The following SHPRH variants were observed in gnomAD, a reference collection of about 807,000 sequenced individuals.
The protein encoded by SHPRH is E3 ubiquitin-protein ligase SHPRH.
Under a neutral mutation model 202.5 loss-of-function variants are expected in SHPRH, and 106 were observed. The observed-to-expected ratio is 0.52, with a 90% CI of 0.45 to 0.62. The LOEUF is 0.62. Ranked by LOEUF, SHPRH falls within the 20% of genes least tolerant of loss-of-function variation. SHPRH has a pLI of 0.00. For missense variants in SHPRH, 1,710 were observed against 2,020.0 expected (o/e 0.85, Z 2.94); for synonymous variants, 729 against 686.0 (o/e 1.06, Z -0.98).
At chr6:145,882,104 A>G (rs117705403), downstream of SHPRH, among the ~76,000 whole-genome samples, 627 of 152,198 alleles carry the variant, frequency 4.1e-3, 18 homozygotes, top group East Asian at 0.07. Flanking sequence ...AAAAAAAAAA[A>G]AGGTGGTTTA....
At chr6:145,898,020 TAGGCAAGAAAAAGAAATAAA>T (rs1180402117) in intron 25 of SHPRH, among the ~76,000 whole-genome samples, 2 of 151,804 alleles carry the variant, frequency 1.3e-5, no homozygotes, top group Non-Finnish European at 2.9e-5. Context: ...CTAGAGCAAT[TAGGCAAGAAAAAGAAATAAA>T]AGGCATTCAA....
chr6:145,904,190 T>C (rs560631886), intron 25 of SHPRH: 5 of 152,158 alleles, frequency 3.3e-5, no homozygotes, highest in Admixed American at 3.3e-4. Flanking sequence ...TTCTGTACGA[T>C]ATATGGTTTG....
At position 145,902,258 on chromosome 6, in the gene SHPRH, G is replaced by A. The variant is rs545749286; in HGVS notation, c.4516-7281C>T. The stretch of plus-strand genomic sequence containing the variant: ...TAAAGAATATTTCTAATGAAGTTTG[G>A]CCTGGAAGTCACTTAGTAACACAAC... On this transcript the variant is annotated intron_variant, in intron 25 of 29. Coordinates refer to ENST00000275233, the MANE Select transcript of SHPRH (RefSeq NM_001042683.3). 3.9e-5 allele frequency among the ~76,000 whole-genome samples: 6 copies of A among 152,156 alleles called. No individual in the cohort carries two copies. In the South Asian group the frequency reaches 6.2e-4, roughly 16 times the overall value.
At chr6:145,914,971 C>A (rs1237017020) in intron 23 of SHPRH, among the ~76,000 whole-genome samples, 1 of 151,718 alleles carries the variant, frequency 6.6e-6, no homozygotes, top group Non-Finnish European at 1.5e-5. Flanking sequence ...CATATTTGTT[C>A]ATTAGTGTTC....
At chr6:145,861,558 T>C (rs1468180019), downstream of SHPRH, among the ~76,000 whole-genome samples, 1 of 152,102 alleles carries the variant, frequency 6.6e-6, no homozygotes, top group Non-Finnish European at 1.5e-5. Flanking sequence ...AAATTAAAAA[T>C]AGAATTGCCA....
chr6:145,913,311 T>G (rs1157316756), intron 24 of SHPRH, among the ~76,000 whole-genome samples, 167 bp downstream of exon 24: 1 of 152,146 alleles, frequency 6.6e-6, no homozygotes, highest in Non-Finnish European at 1.5e-5. Flanking sequence ...CTCAAACATC[T>G]AATCCTAAGC....
At chr6:145,908,477 T>G (rs958350701) in intron 25 of SHPRH, 6 of 152,344 alleles carry the variant, frequency 3.9e-5, no homozygotes, top group African/African-American at 1.4e-4. Flanking sequence ...TGAGATGGTA[T>G]CTCATTGTGG....
At chr6:145,939,210 T>C (rs1354938164) in intron 11 of SHPRH, among the ~76,000 whole-genome samples, 1 of 151,952 alleles carries the variant, frequency 6.6e-6, no homozygotes, top group Non-Finnish European at 1.5e-5. Flanking sequence ...ACCAGAGAGA[T>C]ATGGAAGTGA....
At chr6:145,957,642 C>A (rs1167921789) in intron 1 of SHPRH, among the ~76,000 whole-genome samples, 1 of 152,110 alleles carries the variant, frequency 6.6e-6, no homozygotes, top group Non-Finnish European at 1.5e-5. Flanking sequence ...ATTCAACCCA[C>A]AAATCACAAT....
intron 25 of SHPRH, among the ~76,000 whole-genome samples, chr6:145,899,368 G>C (rs1483922715): frequency 6.6e-6 from 1 of 152,078 alleles, no homozygotes; most frequent in African/African-American, 2.4e-5. Flanking sequence ...GAACAGGAGA[G>C]AGCCCAGAAA....
chr6:145,951,727 T>C, intron 3 of SHPRH: 1 of 450,556 alleles, frequency 2.2e-6, no homozygotes, highest in South Asian at 1.6e-5. Flanking sequence ...AGTTAGAAAC[T>C]GATTTTCAAA....
Position 145,926,142 on chromosome 6 carries a change from T to C in SHPRH, c.3294+62A>G, listed in dbSNP as rs573997756. ...GTTGTATGTCCTAGGATATATCAAC[T>C]ATATGGAGCATAAAGTTTGAAGAAA... On this transcript the variant is annotated intron_variant, in intron 16 of 29. Coordinates refer to ENST00000275233, the MANE Select transcript of SHPRH (RefSeq NM_001042683.3). 8.7e-6 allele frequency: 12 copies of C among 1,384,358 alleles called. No individual in the cohort carries two copies. The South Asian group carries it at 9.3e-5, about 11-fold the overall frequency. 85.8% of individuals were successfully genotyped at this position (1,384,358 alleles called of 1,614,324 possible).
intron 22 of SHPRH, chr6:145,919,056 A>G (rs1000134491): frequency 1.7e-5 from 4 of 231,936 alleles, no homozygotes; most frequent in South Asian, 1.4e-4. Flanking sequence ...GAGAATATCT[A>G]TTGGTCTTAA....
At chr6:145,927,661 A>C (rs1785002939) in intron 14 of SHPRH, among the ~76,000 whole-genome samples, 1 of 151,894 alleles carries the variant, frequency 6.6e-6, no homozygotes, top group Non-Finnish European at 1.5e-5. Context: ...GTTTGAAATT[A>C]AGGATAAACT....
chr6:145,935,481 T>C, intron 11 of SHPRH, 40 bp from the exon 12 acceptor site: 1 of 1,593,472 alleles, frequency 6.3e-7, no homozygotes, highest in Non-Finnish European at 8.6e-7. Context: ...ATAACTCTAT[T>C]ACTTCATTAC....
chr6:145,945,782 A>G, intron 7 of SHPRH, 145 bp from the exon 8 acceptor site: 1 of 764,552 alleles, frequency 1.3e-6, no homozygotes, highest in Non-Finnish European at 1.9e-6. Context: ...TTTTGAAAAA[A>G]TATGTAATAA....
intron 1 of SHPRH, among the ~76,000 whole-genome samples, chr6:145,963,353 T>C (rs890967751): frequency 6.6e-6 from 1 of 152,192 alleles, no homozygotes; most frequent in African/African-American, 2.4e-5. Flanking sequence ...AAGCCCCAAG[T>C]TCCTTAAGTT....
At chr6:145,929,899 C>T (rs1055267770) in intron 14 of SHPRH, among the ~76,000 whole-genome samples, 1 of 151,982 alleles carries the variant, frequency 6.6e-6, no homozygotes, top group African/African-American at 2.4e-5. Context: ...TAACCAATAA[C>T]ATCATTCTTC....
At chr6:145,927,032 T>C (rs1784944707) in intron 15 of SHPRH, among the ~76,000 whole-genome samples, 157 bp downstream of exon 15, 1 of 151,968 alleles carries the variant, frequency 6.6e-6, no homozygotes, top group Admixed American at 6.6e-5. Context: ...TTAGTGTACA[T>C]ACAAATCATC....
Sources: allele counts gnomAD v4.1 joint callset (sites outside exome capture counted in the v4.1 genomes callset), GRCh38; gene constraint gnomAD v4.1.1; transcripts MANE v1.5; gene names NCBI Gene and HGNC (gene_info 2026-07-23, HGNC 2026-07-21).